Variants in OCA2 observed in about 807,000 individuals in gnomAD.
OCA2 encodes the protein P protein.
In OCA2, 77 loss-of-function variants were observed where a neutral mutation model predicts 100.2. The observed-to-expected ratio is 0.77, with a 90% CI of 0.64 to 0.93. The LOEUF (loss-of-function observed/expected upper bound fraction) is 0.93. OCA2 is among the 40% of genes least tolerant of loss of function. OCA2 has a pLI of 0.00. For synonymous variants in OCA2, 432 were observed against 439.2 expected, an observed-to-expected ratio of 0.98 and a Z score of 0.21; for missense variants, 1,062 against 1,089.1, an observed-to-expected ratio of 0.98 and a Z score of 0.35.
At position 28,063,120 on chromosome 15, in the gene OCA2, G is replaced by A. The variant is rs575921298; in HGVS notation, c.227+18528C>T. Among the ~76,000 whole-genome samples the A allele has an allele frequency of 6.6e-5, 10 of 152,262 alleles. No homozygotes were observed. The South Asian group carries it at 2.1e-3, about 32-fold the overall frequency. On this transcript the variant is annotated intron_variant, in intron 2 of 23. Transcript: ENST00000354638. ...TGGGTAGTAATGCCATTTAACAATA[G>A]TAAGTATATCTTCTTGATGAATTGA... is the stretch of plus-strand genomic sequence containing the variant.
intron 23 of OCA2, among the ~76,000 whole-genome samples, chr15:27,805,889 G>C (rs1248388420): frequency 6.6e-6 from 1 of 152,206 alleles, no homozygotes; most frequent in Non-Finnish European, 1.5e-5. Context: ...CAGGGCAGGG[G>C]AGCCTGGCTC....
intron 23 of OCA2, among the ~76,000 whole-genome samples, chr15:27,758,716 A>G (rs1341535532): frequency 2.0e-5 from 3 of 152,210 alleles, no homozygotes; most frequent in Non-Finnish European, 4.4e-5. Context: ...TGGGCACAAT[A>G]ATATAATGGA....
At chr15:27,733,372 C>T in the OCA2 span, among the ~76,000 whole-genome samples, 2 of 152,184 alleles carry the variant, frequency 1.3e-5, no homozygotes, top group Admixed American at 6.5e-5. Flanking sequence ...CTGTCACTCC[C>T]CTGTCTCCAG....
chr15:27,728,191 T>G, the OCA2 span, among the ~76,000 whole-genome samples: 1 of 152,332 alleles, frequency 6.6e-6, no homozygotes, highest in Non-Finnish European at 1.5e-5. Flanking sequence ...CCCCTTCATC[T>G]GTGAAGCTGT....
At chr15:27,996,427 C>G (rs980021274) in intron 9 of OCA2, among the ~76,000 whole-genome samples, 3 of 150,262 alleles carry the variant, frequency 2.0e-5, no homozygotes, top group Admixed American at 6.6e-5. Context: ...AACTTTATAC[C>G]TCAAGGAAAT....
intron 2 of OCA2, among the ~76,000 whole-genome samples, chr15:28,056,959 G>A (rs1282926160): frequency 1.3e-5 from 2 of 152,200 alleles, no homozygotes; most frequent in South Asian, 2.1e-4. Context: ...TTGGGCAGTC[G>A]GTGCACCCTC....
chr15:27,724,772 C>A, the OCA2 span, among the ~76,000 whole-genome samples: 2 of 150,614 alleles, frequency 1.3e-5, no homozygotes, highest in Non-Finnish European at 2.9e-5. Context: ...ATACCTGATT[C>A]TTTCCTGCCT....
At chr15:28,083,524 G>A (rs553179483) in intron 1 of OCA2, among the ~76,000 whole-genome samples, 108 of 152,232 alleles carry the variant, frequency 7.1e-4, no homozygotes, top group Non-Finnish European at 1.2e-3. Context: ...CCACTACCTG[G>A]TAAGAACAAA....
At chr15:27,837,909 C>T (rs2035214947) in intron 23 of OCA2, among the ~76,000 whole-genome samples, 1 of 151,122 alleles carries the variant, frequency 6.6e-6, no homozygotes, top group African/African-American at 2.4e-5. Flanking sequence ...AGAAAAAAAG[C>T]TGTTACAGAG....
At chr15:27,867,828 T>C (rs2036385045) in intron 21 of OCA2, among the ~76,000 whole-genome samples, 1 of 152,198 alleles carries the variant, frequency 6.6e-6, no homozygotes, top group Non-Finnish European at 1.5e-5. Flanking sequence ...ACTGAGAAAA[T>C]TTGAACATTT....
intron 19 of OCA2, among the ~76,000 whole-genome samples, chr15:27,887,483 A>ATACC (rs1379794455): frequency 6.6e-6 from 1 of 151,576 alleles, no homozygotes; most frequent in East Asian, 2.0e-4. Context: ...CTACAAAGAG[A>ATACC]TACCAGTGAC....
At chr15:27,797,496 C>T (rs1036711800) in intron 23 of OCA2, among the ~76,000 whole-genome samples, 3 of 152,044 alleles carry the variant, frequency 2.0e-5, no homozygotes, top group African/African-American at 4.8e-5. Flanking sequence ...AGTTCATGGG[C>T]GGCAGGCGTG....
At chr15:27,758,212 A>T (rs1457943453) in intron 23 of OCA2, among the ~76,000 whole-genome samples, 1 of 152,162 alleles carries the variant, frequency 6.6e-6, no homozygotes, top group East Asian at 1.9e-4. Flanking sequence ...GGAAGCTGAT[A>T]CGTCAGTGGG....
intron 2 of OCA2, among the ~76,000 whole-genome samples, chr15:28,042,414 G>A (rs377288027): frequency 5.1e-4 from 77 of 150,758 alleles, no homozygotes; most frequent in African/African-American, 1.8e-3. Flanking sequence ...ATCACTTGAG[G>A]CCAGGAATTC....
intron 21 of OCA2, among the ~76,000 whole-genome samples, chr15:27,868,856 C>A (rs1595544499): frequency 2.0e-5 from 3 of 152,160 alleles, no homozygotes; most frequent in Non-Finnish European, 4.4e-5. Flanking sequence ...TCGATAGGTG[C>A]AGATTTTTGT....
rs534859622 is a variant in OCA2 at position 27,782,779 on chromosome 15, A to C, written c.2433-27307T>G. 8.5e-5 allele frequency among the ~76,000 whole-genome samples: 13 copies of C among 152,194 alleles called. No homozygotes were observed. In the South Asian group the frequency reaches 1.2e-3, roughly 15 times the overall value. ...CGTGTCCCACCTTTGAAGGCCTTTAATTTTTTTGCTCATTTAATAAAATAC... is the reference window on the plus strand; with the variant it reads ...CGTGTCCCACCTTTGAAGGCCTTTACTTTTTTTGCTCATTTAATAAAATAC... On this transcript the variant is annotated intron_variant, in intron 23 of 23. Transcript: ENST00000354638.
chr15:28,041,052 G>C (rs113900680), intron 2 of OCA2, among the ~76,000 whole-genome samples: 1,851 of 152,068 alleles, frequency 0.012, 37 homozygotes, highest in African/African-American at 0.042. Context: ...GACACTATAC[G>C]AAAAGAAAAC....
At chr15:27,840,923 A>G (rs1011879994) in intron 23 of OCA2, among the ~76,000 whole-genome samples, 1 of 152,174 alleles carries the variant, frequency 6.6e-6, no homozygotes, top group Non-Finnish European at 1.5e-5. Context: ...CACATTAAAA[A>G]TTTTTTTGAC....
the OCA2 span, among the ~76,000 whole-genome samples, chr15:27,721,683 T>C: frequency 2.0e-5 from 3 of 152,224 alleles, no homozygotes; most frequent in Admixed American, 1.3e-4. Flanking sequence ...GTTGCATTAG[T>C]CCCAAACAAA....
Sources: allele counts gnomAD v4.1 joint callset (sites outside exome capture counted in the v4.1 genomes callset), GRCh38; gene constraint gnomAD v4.1.1; transcripts MANE v1.5; gene names NCBI Gene and HGNC (gene_info 2026-07-23, HGNC 2026-07-21).